The following PSEN1 variants were observed in gnomAD, a reference collection of about 807,000 sequenced individuals.
PSEN1 encodes presenilin 1.
In PSEN1, 15 loss-of-function variants were observed where a neutral mutation model predicts 53.5. The ratio of observed to expected loss-of-function variants is 0.28; its 90% confidence interval spans 0.19 to 0.43. The LOEUF is 0.43. PSEN1 is among the 20% of genes least tolerant of loss of function. PSEN1 has a pLI of 1.00. For missense variants in PSEN1, 387 were observed against 571.2 expected (o/e 0.68, Z 3.29); for synonymous variants, 208 against 209.8 (o/e 0.99, Z 0.08).
At chr14:73,184,678 C>G (rs1898405632) in intron 5 of PSEN1, among the ~76,000 whole-genome samples, 1 of 150,440 alleles carries the variant, frequency 6.6e-6, no homozygotes, top group Admixed American at 6.6e-5. Flanking sequence ...GACGGAGCGG[C>G]TGGCGGGGCG....
At chr14:73,211,676 A>T in intron 9 of PSEN1, 93 bp from the exon 10 acceptor site, 1 of 1,395,006 alleles carries the variant, frequency 7.2e-7, no homozygotes, top group Non-Finnish European at 1.0e-6. Flanking sequence ...CCAGCTAGTT[A>T]CAATGACAGC....
At chr14:73,203,982 AT>A (rs1318278420) in intron 8 of PSEN1, among the ~76,000 whole-genome samples, 1 of 152,040 alleles carries the variant, frequency 6.6e-6, no homozygotes, top group Non-Finnish European at 1.5e-5. Context: ...TAAAAAACAT[AT>A]TTTTTTGTAT....
chr14:73,173,111 G>A (rs1224127606), intron 4 of PSEN1, among the ~76,000 whole-genome samples: 1 of 152,136 alleles, frequency 6.6e-6, no homozygotes, highest in Admixed American at 6.5e-5. Flanking sequence ...ATGGATATGT[G>A]ACATTATCTT....
intron 3 of PSEN1, among the ~76,000 whole-genome samples, chr14:73,154,287 A>G (rs531417490): frequency 6.6e-5 from 10 of 152,240 alleles, no homozygotes; most frequent in Non-Finnish European, 1.0e-4. Context: ...TTCATATTCA[A>G]CTACACACAA....
At chr14:73,169,648 T>C (rs1897827402) in intron 3 of PSEN1, among the ~76,000 whole-genome samples, 1 of 152,146 alleles carries the variant, frequency 6.6e-6, no homozygotes, top group African/African-American at 2.4e-5. Context: ...ATTGTGTCAC[T>C]TATTCAACCT....
intron 5 of PSEN1, among the ~76,000 whole-genome samples, chr14:73,180,591 A>C (rs1033336131): frequency 6.6e-6 from 1 of 152,240 alleles, no homozygotes; most frequent in Admixed American, 6.5e-5. Flanking sequence ...TAAAAACAGG[A>C]AAGGCAGTTA....
intron 3 of PSEN1, among the ~76,000 whole-genome samples, chr14:73,150,881 C>T (rs2140514141): frequency 6.6e-6 from 1 of 150,660 alleles, no homozygotes. Context: ...TCCTGGTCAA[C>T]ATGGTGAAAC....
In PSEN1 at chr14:73,159,900, G is replaced by C. The variant is rs539289799; in HGVS notation, c.88-10897G>C. The stretch of plus-strand genomic sequence containing the variant: ...TGCAGTGGCATGATCTTGGCTCATG[G>C]CAGCCTTCACCTCCTGGGCTCAAGC... On this transcript the variant is annotated intron_variant, in intron 3 of 11. Transcript: ENST00000324501. 35 of 154,680 alleles carry C rather than the reference G, an allele frequency of 2.3e-4. No homozygotes were observed. The South Asian group carries it at 4.0e-3, about 18-fold the overall frequency. 9.6% of individuals were successfully genotyped at this position (154,680 alleles called of 1,614,324 possible).
At chr14:73,137,893 C>G (rs1176746926) in intron 1 of PSEN1, among the ~76,000 whole-genome samples, 2 of 151,978 alleles carry the variant, frequency 1.3e-5, no homozygotes, top group African/African-American at 2.4e-5. Context: ...CCAGACAACA[C>G]GGCGAAACCC....
chr14:73,206,266 G>A, intron 8 of PSEN1, 120 bp from the exon 9 acceptor site: 1 of 748,890 alleles, frequency 1.3e-6, no homozygotes, highest in Non-Finnish European at 2.4e-6. Context: ...TCTGATTGTT[G>A]AACAGTCTTA....
At chr14:73,197,384 T>C (rs1190994655) in intron 7 of PSEN1, among the ~76,000 whole-genome samples, 1 of 152,236 alleles carries the variant, frequency 6.6e-6, no homozygotes, top group Non-Finnish European at 1.5e-5. Flanking sequence ...ATACATATGT[T>C]CTGAGACCTG....
chr14:73,170,249 C>G (rs1278471529), intron 3 of PSEN1, among the ~76,000 whole-genome samples: 1 of 152,168 alleles, frequency 6.6e-6, no homozygotes, highest in Non-Finnish European at 1.5e-5. Flanking sequence ...TGAGCTGTAT[C>G]TTGTGCTGAC....
chr14:73,201,581 G>A (rs1280695737), intron 8 of PSEN1, among the ~76,000 whole-genome samples: 1 of 152,184 alleles, frequency 6.6e-6, no homozygotes, highest in African/African-American at 2.4e-5. Context: ...GCTGGCAGTG[G>A]AAGTGATGGT....
At position 73,192,832 on chromosome 14, in the gene PSEN1, C is replaced by A. The variant is rs63750526; in HGVS notation, c.737C>A (p.Ala246Glu). The A allele has an allele frequency of 6.2e-7, 1 of 1,613,396 alleles. No homozygotes were observed. The highest frequency in any genetic ancestry group is 8.5e-7 in the Non-Finnish European group (1 of 1,179,430). The change falls in exon 7 of 12, where the codon GCG becomes GAG. Residue 246 changes from alanine (A) to glutamate (E), a missense_variant. Transcript: ENST00000324501. ...VFIKYLPEWTAWLILAVISVY... is the reference protein window; with the variant it reads ...VFIKYLPEWTEWLILAVISVY... ...ATCAAGTACCTCCCTGAATGGACTGCGTGGCTCATCTTGGCTGTGATTTCA... is the reference window on the plus strand; with the variant it reads ...ATCAAGTACCTCCCTGAATGGACTGAGTGGCTCATCTTGGCTGTGATTTCA...
At chr14:73,208,832 C>G in intron 9 of PSEN1, 1 of 454,890 alleles carries the variant, frequency 2.2e-6, no homozygotes. Flanking sequence ...AGGAGCCTGT[C>G]TGCCTCCTGC....
chr14:73,194,895 ATACT>A (rs1337663020), intron 7 of PSEN1, among the ~76,000 whole-genome samples: 4 of 152,164 alleles, frequency 2.6e-5, no homozygotes, highest in South Asian at 2.1e-4. Context: ...CATTATTTAC[ATACT>A]TACTAAAATG....
intron 4 of PSEN1, among the ~76,000 whole-genome samples, chr14:73,172,031 G>T (rs551932772): frequency 2.0e-5 from 3 of 152,140 alleles, no homozygotes; most frequent in African/African-American, 7.2e-5. Context: ...TGCAAGGCCT[G>T]TGAGGGTACT....
At chr14:73,180,765 T>C (rs1219752909) in intron 5 of PSEN1, among the ~76,000 whole-genome samples, 1 of 152,182 alleles carries the variant, frequency 6.6e-6, no homozygotes, top group East Asian at 1.9e-4. Flanking sequence ...ACTAGGGATT[T>C]TTGCAAGATG....
chr14:73,183,955 G>A (rs1898328129), intron 5 of PSEN1, among the ~76,000 whole-genome samples: 1 of 145,126 alleles, frequency 6.9e-6, no homozygotes, highest in Non-Finnish European at 1.5e-5. Context: ...TCCCGGACGG[G>A]GCGGCTGGCC....
Sources: gnomAD v4.1 joint callset for allele counts (sites outside exome capture counted in the v4.1 genomes callset) on GRCh38, gnomAD v4.1.1 for gene constraint, MANE v1.5 for transcripts, NCBI Gene and HGNC (gene_info 2026-07-23, HGNC 2026-07-21) for gene names.